The following CUBN variants were observed in gnomAD, a reference collection of about 807,000 sequenced individuals.
CUBN encodes cubilin, also known as 460 kDa receptor.
CUBN carries 282 observed loss-of-function variants against 405.3 expected under a neutral mutation model. The ratio of observed to expected loss-of-function variants is 0.70; its 90% confidence interval spans 0.63 to 0.77. The LOEUF (loss-of-function observed/expected upper bound fraction) is 0.77, where lower values mean the gene tolerates loss of function less well. Ranked by LOEUF, CUBN falls within the 30% of genes least tolerant of loss-of-function variation. The pLI is 0.00. For synonymous variants in CUBN, 1,684 were observed against 1,617.0 expected (o/e 1.04, Z -0.99); for missense variants, 4,514 against 4,475.2 (o/e 1.01, Z -0.25).
chr10:17,031,557 A>G (rs1157836492), intron 27 of CUBN, among the ~76,000 whole-genome samples: 2 of 152,174 alleles, frequency 1.3e-5, no homozygotes, highest in Admixed American at 6.5e-5. Flanking sequence ...GAGACTACCA[A>G]TTCAGCACAT....
chr10:17,129,595 G>A (rs1406443662), intron 1 of CUBN, 49 bp downstream of exon 1: 7 of 1,612,726 alleles, frequency 4.3e-6, no homozygotes, highest in South Asian at 1.1e-5. Context: ...GAAAACTGGT[G>A]AGGAATTAGC....
At position 16,841,050 on chromosome 10, in the gene CUBN, G is replaced by A. The variant is rs1426403785; in HGVS notation, c.9664-3C>T. Reference sequence around the variant, plus strand: ...TTTTCACTATCCCCATCATATAACTGAGAAGAAAAACAATTCATTACTTCT... The same window carrying A: ...TTTTCACTATCCCCATCATATAACTAAGAAGAAAAACAATTCATTACTTCT... On this transcript the variant is annotated splice_region_variant and splice_polypyrimidine_tract_variant and intron_variant, in intron 60 of 66. Coordinates refer to ENST00000377833, the MANE Select transcript of CUBN (RefSeq NM_001081.4). 2.5e-6 allele frequency: 4 copies of A among 1,613,626 alleles called. No individual in the cohort carries two copies. In the African/African-American group the frequency reaches 5.3e-5, roughly 22 times the overall value.
chr10:16,910,772 TTAATA>T (rs1472238144), intron 48 of CUBN, among the ~76,000 whole-genome samples: 1 of 151,070 alleles, frequency 6.6e-6, no homozygotes, highest in African/African-American at 2.4e-5. Flanking sequence ...TTCATATATA[TTAATA>T]TATCAAACAT....
intron 36 of CUBN, 73 bp from the exon 37 acceptor site, chr10:16,940,310 G>T: frequency 1.5e-6 from 2 of 1,348,334 alleles, no homozygotes; most frequent in Non-Finnish European, 2.1e-6. Flanking sequence ...CGGATCACAT[G>T]CTAGGTTAAC....
chr10:17,092,545 T>C (rs1300249945), intron 14 of CUBN, among the ~76,000 whole-genome samples: 1 of 152,102 alleles, frequency 6.6e-6, no homozygotes, highest in Non-Finnish European at 1.5e-5. Flanking sequence ...GAGAAGGCAG[T>C]CAAACACCAC....
intron 31 of CUBN, among the ~76,000 whole-genome samples, chr10:16,967,264 T>C (rs772417828): frequency 4.6e-5 from 7 of 152,180 alleles, no homozygotes; most frequent in Non-Finnish European, 1.0e-4. Flanking sequence ...TCCCACTCAG[T>C]CTTCACATCT....
chr10:16,979,151 C>T (rs1833188531), intron 31 of CUBN, among the ~76,000 whole-genome samples: 1 of 152,162 alleles, frequency 6.6e-6, no homozygotes, highest in South Asian at 2.1e-4. Context: ...TGAAGGATCT[C>T]TTCAAGGAGA....
intron 59 of CUBN, among the ~76,000 whole-genome samples, chr10:16,854,884 T>A (rs1335649570): frequency 6.6e-6 from 1 of 151,920 alleles, no homozygotes; most frequent in African/African-American, 2.4e-5. Flanking sequence ...GATTGAGTGG[T>A]AAATTGGCTG....
chr10:16,849,791 T>C (rs1839629163), intron 60 of CUBN, among the ~76,000 whole-genome samples: 1 of 152,076 alleles, frequency 6.6e-6, no homozygotes, highest in Non-Finnish European at 1.5e-5. Context: ...CCCAGCCTCC[T>C]CTCCTTCCAG....
Position 17,111,181 on chromosome 10 carries a change from G to C in CUBN, c.884-131C>G, listed in dbSNP as rs1836764461. 3.7e-6 allele frequency: 4 copies of C among 1,073,272 alleles called. No homozygotes were observed. The South Asian group carries it at 4.2e-5, about 11-fold the overall frequency. 66.5% of individuals were successfully genotyped at this position (1,073,272 alleles called of 1,614,324 possible). On this transcript the variant is annotated intron_variant, in intron 8 of 66. Transcript: ENST00000377833. ...AAATAAAAATGAGATATGCTTATCA[G>C]ATTGGCAAAAGTTGTTTTGAATTCT...
intron 55 of CUBN, among the ~76,000 whole-genome samples, chr10:16,889,933 G>C (rs2669155): frequency 0.74 from 90,166 of 121,444 alleles, 34,131 homozygotes; most frequent in African/African-American, 0.85. Context: ...GAGACGCCGT[G>C]TCAAAAAAAA....
At chr10:17,007,706 T>C (rs1448669347) in intron 28 of CUBN, among the ~76,000 whole-genome samples, 3 of 152,134 alleles carry the variant, frequency 2.0e-5, no homozygotes, top group Non-Finnish European at 1.5e-5. Flanking sequence ...CCACTTGACC[T>C]GGCCAGGGCA....
At chr10:16,964,549 G>T (rs1468053189) in intron 31 of CUBN, among the ~76,000 whole-genome samples, 2 of 152,050 alleles carry the variant, frequency 1.3e-5, no homozygotes, top group African/African-American at 4.8e-5. Context: ...TAATACTAAG[G>T]ATGGCAATAA....
chr10:16,877,916 C>T (rs769097150), intron 56 of CUBN, among the ~76,000 whole-genome samples: 115 of 152,186 alleles, frequency 7.6e-4, no homozygotes, highest in Admixed American at 3.3e-4. Flanking sequence ...GGAAATGACA[C>T]CCATATGGTA....
intron 28 of CUBN, among the ~76,000 whole-genome samples, chr10:17,007,310 G>C (rs1206773310): frequency 6.6e-6 from 1 of 152,050 alleles, no homozygotes; most frequent in East Asian, 1.9e-4. Context: ...TATTTCCAGG[G>C]TGGGGCCCTC....
chr10:16,870,243 T>C (rs923381334), intron 58 of CUBN, among the ~76,000 whole-genome samples: 3 of 152,234 alleles, frequency 2.0e-5, no homozygotes, highest in African/African-American at 7.2e-5. Context: ...ATATTTACTC[T>C]TCCCTTGTTA....
chr10:16,974,574 T>C (rs1300002021), intron 31 of CUBN, among the ~76,000 whole-genome samples: 2 of 152,140 alleles, frequency 1.3e-5, no homozygotes, highest in Non-Finnish European at 2.9e-5. Context: ...GGTTTCACCA[T>C]GTTAGCCAGG....
intron 33 of CUBN, among the ~76,000 whole-genome samples, chr10:16,950,707 C>T (rs1842902139): frequency 6.6e-6 from 1 of 152,172 alleles, no homozygotes; most frequent in Non-Finnish European, 1.5e-5. Flanking sequence ...CTGCCTGTGG[C>T]ATCTGAAACA....
intron 43 of CUBN, among the ~76,000 whole-genome samples, chr10:16,924,989 T>G (rs1455483702): frequency 6.6e-6 from 1 of 152,186 alleles, no homozygotes; most frequent in Non-Finnish European, 1.5e-5. Flanking sequence ...AAAATTTCAC[T>G]TTGGTCACTA....
Sources: gnomAD v4.1 joint callset for allele counts (sites outside exome capture counted in the v4.1 genomes callset) on GRCh38, gnomAD v4.1.1 for gene constraint, MANE v1.5 for transcripts, NCBI Gene and HGNC (gene_info 2026-07-23, HGNC 2026-07-21) for gene names.